Variants in LCP2 observed in about 807,000 individuals in gnomAD.
The protein encoded by LCP2 is lymphocyte cytosolic protein 2.
In LCP2, 29 loss-of-function variants were observed where a neutral mutation model predicts 74.5. The observed-to-expected ratio is 0.39, with a 90% CI of 0.29 to 0.53. LCP2 has a LOEUF of 0.53. LCP2 is among the 20% of genes least tolerant of loss of function. The pLI, the probability that LCP2 is intolerant of heterozygous loss-of-function variation, is 0.72. For missense variants in LCP2, 604 were observed against 634.6 expected, an observed-to-expected ratio of 0.95 and a Z score of 0.52; for synonymous variants, 228 against 229.5, an observed-to-expected ratio of 0.99 and a Z score of 0.06.
intron 20 of LCP2, among the ~76,000 whole-genome samples, chr5:170,250,115 T>G (rs1246646909): frequency 6.6e-6 from 1 of 152,246 alleles, no homozygotes; most frequent in Non-Finnish European, 1.5e-5. Context: ...CTTGGAACTT[T>G]GAACTTAGAG....
In LCP2 at chr5:170,297,534, C is replaced by T. The variant is rs369535615; in HGVS notation, c.78G>A (p.Lys26=). 2 of 1,612,352 alleles carry T rather than the reference C, an allele frequency of 1.2e-6. No homozygotes were observed. Among genetic ancestry groups the T allele is most frequent in the African/African-American group, 1.3e-5 (1 of 74,886 alleles). ...CCATTCACACAAGAGCAAGGCTTAC[C>T]TTCTTGAAATAGTCAGCAAGGCTGT... ...DPDSLADYFK[K]LNYKDCEKAV... The change falls in exon 1 of 21, where the codon AAG becomes AAA. Residue 26 remains lysine, a splice_region_variant and synonymous_variant. Coordinates refer to ENST00000046794, the MANE Select transcript of LCP2 (RefSeq NM_005565.5).
rs768642894 is a variant in LCP2 at position 170,275,338 on chromosome 5, G to A, written c.268C>T (p.Arg90Trp). The change falls in exon 5 of 21, where the codon CGG (arginine) becomes TGG (tryptophan). Residue 90 changes from arginine to tryptophan, a missense_variant. Transcript: ENST00000046794. ...GCTTTACCTGTCTCTTCAGGAAACC[G>A]CGGGACTTGGGGTCTGCAAAGGTAA... is the stretch of plus-strand genomic sequence containing the variant. ...SIFTRKPQVP[R>W]FPEETESHEE... is the part of the protein sequence containing the mutation. 50 of 1,613,864 alleles carry A rather than the reference G, an allele frequency of 3.1e-5. No homozygotes were observed. Among genetic ancestry groups the A allele is most frequent in the Middle Eastern group, 1.6e-4 (1 of 6,080 alleles).
intron 7 of LCP2, 174 bp downstream of exon 7, chr5:170,270,545 C>A: frequency 1.8e-6 from 1 of 563,020 alleles, no homozygotes; most frequent in Non-Finnish European, 3.1e-6. Context: ...GAAATTGAGG[C>A]CCAGAGAGAC....
rs1334545963 is a variant in LCP2 at position 170,254,386 on chromosome 5, G to A, written c.1151-1173C>T. On this transcript the variant is annotated intron_variant, in intron 17 of 20. Coordinates refer to ENST00000046794, the MANE Select transcript of LCP2 (RefSeq NM_005565.5). The stretch of plus-strand genomic sequence containing the variant: ...CTACCTTGTTACACCACTGAGGAGA[G>A]GAGAGTCACCTGTAAGGGCTAAAGC... Among the ~76,000 whole-genome samples the A allele has an allele frequency of 1.3e-5, 2 of 152,176 alleles. 1 individual carries two copies. The highest frequency in any genetic ancestry group is 1.3e-4 in the Admixed American group (2 of 15,270).
intron 14 of LCP2, among the ~76,000 whole-genome samples, chr5:170,259,275 G>A (rs575458379): frequency 4.6e-5 from 7 of 152,310 alleles, no homozygotes; most frequent in Admixed American, 3.9e-4. Context: ...GCATGATGCT[G>A]AGGAAGCTTC....
Position 170,256,227 on chromosome 5 carries a change from C to A in LCP2, c.1150+299G>T, listed in dbSNP as rs1482290613. On this transcript the variant is annotated intron_variant, in intron 17 of 20. Transcript: ENST00000046794. This position sits in a 1 kb window ranked among gnomAD's most constrained non-coding sequence, Gnocchi z 4.5. ...TTGTGTATGTGTATATATGTGTATA[C>A]CTGTGTGCACATGTATATATGTGTA... Among the ~76,000 whole-genome samples, 1 of 151,580 alleles carries A rather than the reference C, an allele frequency of 6.6e-6. No individual in the cohort carries two copies. The highest frequency in any genetic ancestry group is 1.5e-5 in the Non-Finnish European group (1 of 67,886).
chr5:170,269,966 A>G (rs1015111494), intron 7 of LCP2, among the ~76,000 whole-genome samples: 1 of 152,250 alleles, frequency 6.6e-6, no homozygotes, highest in African/African-American at 2.4e-5. Flanking sequence ...GAAATGGGTT[A>G]TACCGCATAA....
In LCP2 at chr5:170,256,437, A is replaced by G; in HGVS notation, c.1150+89T>C. 4 of 1,037,282 alleles carry G rather than the reference A, an allele frequency of 3.9e-6. No homozygotes were observed. The highest frequency in any genetic ancestry group is 6.1e-6 in the Non-Finnish European group (4 of 659,882). 64.3% of individuals were successfully genotyped at this position (1,037,282 alleles called of 1,614,324 possible). On this transcript the variant is annotated intron_variant, in intron 17 of 20. Coordinates refer to ENST00000046794, the MANE Select transcript of LCP2 (RefSeq NM_005565.5). The surrounding 1 kb of genome is among the most constrained non-coding windows in gnomAD (Gnocchi z 4.5). ...TCAGATGCTTTTAGGAAACAATAAAACCTTTGTCGAAAGCTTTTGGGACAG... is the reference window on the plus strand; with the variant it reads ...TCAGATGCTTTTAGGAAACAATAAAGCCTTTGTCGAAAGCTTTTGGGACAG...
chr5:170,292,986 T>A (rs191335555), intron 2 of LCP2, among the ~76,000 whole-genome samples: 1 of 152,178 alleles, frequency 6.6e-6, no homozygotes. Context: ...GAGTGAGAGA[T>A]TGGAGGTGAG....
chr5:170,248,946 G>A (rs1303845997), intron 20 of LCP2, 127 bp from the exon 21 acceptor site: 19 of 887,938 alleles, frequency 2.1e-5, no homozygotes, highest in Non-Finnish European at 3.3e-5. Context: ...GGGAAAAAAT[G>A]TAAATGTGGC....
At chr5:170,274,192 C>G (rs1761945767) in intron 6 of LCP2, 109 bp downstream of exon 6, 2 of 1,161,914 alleles carry the variant, frequency 1.7e-6, no homozygotes, top group Admixed American at 4.0e-5. Flanking sequence ...GGTGGGTGTG[C>G]TGGCATCATG....
At position 170,261,897 on chromosome 5, in the gene LCP2, T is replaced by G. The variant is rs563498958; in HGVS notation, c.926+738A>C. Among the ~76,000 whole-genome samples the G allele has an allele frequency of 5.3e-5, 8 of 152,370 alleles. No individual in the cohort carries two copies. The South Asian group carries it at 1.7e-3, about 32-fold the overall frequency. ...ATTTAAAATTTTGGAATTTTGTTCCTTATGAGTTTGCTGCATTTATTTTGA... is the reference window on the plus strand; with the variant it reads ...ATTTAAAATTTTGGAATTTTGTTCCGTATGAGTTTGCTGCATTTATTTTGA... On this transcript the variant is annotated intron_variant, in intron 13 of 20. Coordinates refer to ENST00000046794, the MANE Select transcript of LCP2 (RefSeq NM_005565.5).
chr5:170,256,623 G>A lies in LCP2; in HGVS notation c.1101-48C>T, dbSNP rs374458569. 112 of 1,346,506 alleles carry A rather than the reference G, an allele frequency of 8.3e-5. No homozygotes were observed. The highest frequency in any genetic ancestry group is 6.8e-4 in the South Asian group (58 of 85,636). 83.4% of individuals were successfully genotyped at this position (1,346,506 alleles called of 1,614,324 possible). On this transcript the variant is annotated intron_variant, in intron 16 of 20. Transcript: ENST00000046794. The surrounding 1 kb of genome is among the most constrained non-coding windows in gnomAD (Gnocchi z 4.5). The stretch of plus-strand genomic sequence containing the variant: ...AAATTTATTTGGATTGGGGTGATGG[G>A]GCCAGACAGGGGAGCTGGGTTAGGG...
chr5:170,279,628 C>G (rs754446713), intron 3 of LCP2, among the ~76,000 whole-genome samples: 1 of 152,180 alleles, frequency 6.6e-6, no homozygotes, highest in African/African-American at 2.4e-5. Context: ...TGACATCAAC[C>G]GGCCCCCACG....
intron 3 of LCP2, among the ~76,000 whole-genome samples, chr5:170,284,509 A>G (rs1762152259): frequency 6.9e-6 from 1 of 145,794 alleles, no homozygotes; most frequent in East Asian, 2.0e-4. Context: ...ATTGGTTTTG[A>G]GCAATTTGAT....
chr5:170,290,483 C>T (rs1762270121), intron 2 of LCP2, among the ~76,000 whole-genome samples: 1 of 152,194 alleles, frequency 6.6e-6, no homozygotes, highest in Non-Finnish European at 1.5e-5. Context: ...CTGGATGGAG[C>T]TTCTGGAAAA....
rs949613466 is a variant in LCP2, at chr5:170,247,482, G to T, written c.*1215C>A. 1.3e-5 allele frequency: 2 copies of T among 152,184 alleles called. No homozygotes were observed. The highest frequency in any genetic ancestry group is 2.9e-5 in the Non-Finnish European group (2 of 68,038). The allele number at this position is 152,184 out of a possible 1,614,324, so 9.4% of individuals were successfully genotyped here. On this transcript the variant is annotated 3_prime_UTR_variant, in exon 21 of 21. Transcript: ENST00000046794. ...TTCGAAAACTTGTAGATTAAGCAGA[G>T]ACGCCAAAAATTGTTGCTAATAAAA...
intron 16 of LCP2, among the ~76,000 whole-genome samples, chr5:170,257,046 C>T (rs1041853646): frequency 1.6e-4 from 24 of 152,220 alleles, no homozygotes; most frequent in Middle Eastern, 6.8e-3. Flanking sequence ...CTGCAGCAGA[C>T]GGTGATAGCA....
chr5:170,273,992 G>A (rs762326978), intron 6 of LCP2: 10 of 390,748 alleles, frequency 2.6e-5, no homozygotes, highest in Non-Finnish European at 4.8e-5. Flanking sequence ...AGGGCCACGT[G>A]CAGCCTACCC....
Sources: allele counts gnomAD v4.1 joint callset (sites outside exome capture counted in the v4.1 genomes callset), GRCh38; gene constraint gnomAD v4.1.1; non-coding constraint Gnocchi (gnomAD v3.1); transcripts MANE v1.5; gene names NCBI Gene and HGNC (gene_info 2026-07-23, HGNC 2026-07-21).